The following TMEM131 variants were observed in gnomAD, a reference collection of about 807,000 sequenced individuals.
TMEM131 encodes the protein transmembrane protein 131, also known as 2610524E03Rik.
Under a neutral mutation model 211.6 loss-of-function variants are expected in TMEM131, and 66 were observed. The ratio of observed to expected loss-of-function variants is 0.31; its 90% CI spans 0.26 to 0.38. The LOEUF (loss-of-function observed/expected upper bound fraction) is 0.38, where lower values mean the gene tolerates loss of function less well. Among genes scored for constraint, TMEM131 ranks in the 10% least tolerant of loss-of-function variants. The pLI is 1.00. For synonymous variants in TMEM131, 844 were observed against 841.3 expected, an observed-to-expected ratio of 1.00 and a Z score of -0.06; for missense variants, 2,036 against 2,299.3, an observed-to-expected ratio of 0.89 and a Z score of 2.34.
intron 6 of TMEM131, 148 bp from the exon 7 acceptor site, chr2:97,842,085 G>A (rs1683226537): frequency 1.4e-6 from 1 of 740,450 alleles, no homozygotes; most frequent in Non-Finnish European, 1.9e-6. Flanking sequence ...CCCCACAAAT[G>A]TTGTTTCTGT....
chr2:97,809,665 A>C (rs771863324), intron 19 of TMEM131, 23 bp downstream of exon 19: 1 of 1,583,302 alleles, frequency 6.3e-7, no homozygotes, highest in Admixed American at 1.7e-5. Context: ...GCAATAGAAA[A>C]ATGTGTGTAT....
chr2:97,872,391 T>C (rs1429043912), intron 4 of TMEM131, among the ~76,000 whole-genome samples: 1 of 152,156 alleles, frequency 6.6e-6, no homozygotes, highest in Non-Finnish European at 1.5e-5. Flanking sequence ...CAAAAAGCCC[T>C]TCTCTCTCGG....
chr2:97,827,386 G>C (rs1187170248), intron 11 of TMEM131: 2 of 998,094 alleles, frequency 2.0e-6, no homozygotes, highest in Admixed American at 1.7e-5. Context: ...TAAATCTTCA[G>C]ACAAAAACGT....
At chr2:97,827,278 G>A in intron 11 of TMEM131, 1 of 782,596 alleles carries the variant, frequency 1.3e-6, no homozygotes, top group Non-Finnish European at 2.4e-6. Flanking sequence ...CTCCGCTGAA[G>A]CCGCTGCCAA....
rs775942138 is a variant in TMEM131 at position 97,885,127 on chromosome 2, TAA to T, written c.359+2923_359+2924del. 7.2e-5 allele frequency among the ~76,000 whole-genome samples: 11 copies of T among 152,356 alleles called. No homozygotes were observed. In the East Asian group the frequency reaches 1.2e-3, roughly 16 times the overall value. On this transcript the variant is annotated intron_variant, in intron 4 of 40. Transcript: ENST00000186436. ...GTGGTTATGTTTTCATTTCCAGATA[TAA>T]GAGTCCCTTAAGCATTTCTTGTAAG...
intron 3 of TMEM131, among the ~76,000 whole-genome samples, chr2:97,894,697 C>G (rs1001696532): frequency 6.6e-6 from 1 of 151,896 alleles, no homozygotes; most frequent in South Asian, 2.1e-4. Flanking sequence ...CGTATAGGAA[C>G]GCTTGTGATT....
intron 1 of TMEM131, among the ~76,000 whole-genome samples, chr2:97,950,462 C>T (rs779941692): frequency 1.3e-5 from 2 of 152,128 alleles, no homozygotes; most frequent in Non-Finnish European, 2.9e-5. Flanking sequence ...TTCTGTAGCC[C>T]TAGTCCTCTC....
At position 97,939,292 on chromosome 2, in the gene TMEM131, AAAG is replaced by A. The variant is rs755756221; in HGVS notation, c.188-11808_188-11806del. 9.9e-5 allele frequency among the ~76,000 whole-genome samples: 15 copies of A among 152,212 alleles called. 2 individuals are homozygous for A. The highest frequency in any genetic ancestry group is 9.8e-4 in the Admixed American group (15 of 15,278). On this transcript the variant is annotated intron_variant, in intron 1 of 40. Coordinates refer to ENST00000186436, the MANE Select transcript of TMEM131 (RefSeq NM_015348.2). Reference sequence around the variant, plus strand: ...TTGATAGACCTCTAGCAAGACTAATAAAGAAGAAAAGAGAAGAATCAAATAGAC... The same window carrying A: ...TTGATAGACCTCTAGCAAGACTAATAAAGAAAAGAGAAGAATCAAATAGAC...
At chr2:97,914,943 GAAACTGCC>G (rs1170654493) in intron 2 of TMEM131, among the ~76,000 whole-genome samples, 5 of 152,176 alleles carry the variant, frequency 3.3e-5, no homozygotes, top group Non-Finnish European at 5.9e-5. Flanking sequence ...AGATTTATAC[GAAACTGCC>G]AAACTGTTTT....
intron 3 of TMEM131, among the ~76,000 whole-genome samples, chr2:97,895,552 TA>T (rs1314246615): frequency 6.6e-6 from 1 of 152,218 alleles, no homozygotes; most frequent in East Asian, 1.9e-4. Flanking sequence ...CAGAACTTGT[TA>T]TTGGTCTATT....
At chr2:97,760,487 G>C in intron 38 of TMEM131, 106 bp downstream of exon 38, 1 of 1,085,316 alleles carries the variant, frequency 9.2e-7, no homozygotes, top group Non-Finnish European at 1.4e-6. Flanking sequence ...ATGCCTCCTT[G>C]TAAATTAGGG....
chr2:97,922,283 G>C (rs1288326168), intron 2 of TMEM131, among the ~76,000 whole-genome samples: 1 of 152,140 alleles, frequency 6.6e-6, no homozygotes, highest in Non-Finnish European at 1.5e-5. Flanking sequence ...CCCACCACCT[G>C]CTGTGCAGCC....
At chr2:97,963,191 G>A (rs916405942) in intron 1 of TMEM131, among the ~76,000 whole-genome samples, 1 of 152,100 alleles carries the variant, frequency 6.6e-6, no homozygotes, top group Non-Finnish European at 1.5e-5. Context: ...AAAACATAAA[G>A]GAAAGAAAAA....
Position 97,756,852 on chromosome 2 carries a change from CTTA to C in TMEM131, c.*244_*246del, listed in dbSNP as rs1678511545. 2.5e-6 allele frequency: 1 copy of C among 392,256 alleles called. No individual in the cohort carries two copies. Among genetic ancestry groups the C allele is most frequent in the African/African-American group, 2.0e-5 (1 of 49,012 alleles). The allele number at this position is 392,256 out of a possible 1,614,324, so 24.3% of individuals were successfully genotyped here. ...GGGAAAGGTTCTCAGATGTACAGGT[CTTA>C]TTAGAGTTTGTGGCTGAGTCCAGAC... On this transcript the variant is annotated 3_prime_UTR_variant, in exon 41 of 41. Coordinates refer to ENST00000186436, the MANE Select transcript of TMEM131 (RefSeq NM_015348.2).
At chr2:97,894,920 G>A (rs747005893) in intron 3 of TMEM131, among the ~76,000 whole-genome samples, 1 of 152,138 alleles carries the variant, frequency 6.6e-6, no homozygotes, top group Non-Finnish European at 1.5e-5. Flanking sequence ...GAATAGGGGT[G>A]GTGAGACAAG....
chr2:97,932,141 TAAAA>T (rs34976723), intron 1 of TMEM131, among the ~76,000 whole-genome samples: 7 of 135,056 alleles, frequency 5.2e-5, no homozygotes, highest in Admixed American at 7.5e-5. Context: ...GACCCTGTCT[TAAAA>T]AAAAAAAAAA....
intron 31 of TMEM131, among the ~76,000 whole-genome samples, chr2:97,786,787 G>A (rs897256885): frequency 6.6e-6 from 1 of 152,188 alleles, no homozygotes; most frequent in South Asian, 2.1e-4. Flanking sequence ...ACGGGGGGCC[G>A]ACAGAAAGGA....
At chr2:97,811,561 A>G (rs1573396225) in intron 17 of TMEM131, among the ~76,000 whole-genome samples, 1 of 152,100 alleles carries the variant, frequency 6.6e-6, no homozygotes, top group Non-Finnish European at 1.5e-5. Flanking sequence ...CCTTCCACCA[A>G]CCTTTCAGGC....
intron 11 of TMEM131, among the ~76,000 whole-genome samples, chr2:97,819,864 G>A (rs897925204): frequency 2.0e-5 from 3 of 152,134 alleles, no homozygotes; most frequent in East Asian, 1.9e-4. Context: ...GCTCTTTTCC[G>A]CCCGTTTATA....
Sources: gnomAD v4.1 joint callset for allele counts (sites outside exome capture counted in the v4.1 genomes callset) on GRCh38, gnomAD v4.1.1 for gene constraint, MANE v1.5 for transcripts, NCBI Gene and HGNC (gene_info 2026-07-23, HGNC 2026-07-21) for gene names.